Variants in PRKCA observed in about 807,000 individuals in gnomAD.
The protein encoded by PRKCA is protein kinase C alpha.
A neutral mutation model predicts 87.0 loss-of-function variants in PRKCA; 27 were observed. That is an observed-to-expected ratio of 0.31 (90% CI 0.23 to 0.43). The LOEUF is 0.43. PRKCA is among the 20% of genes least tolerant of loss of function. The pLI is 1.00. For synonymous variants in PRKCA, 329 were observed against 311.1 expected (o/e 1.06, Z -0.61); for missense variants, 518 against 852.3 (o/e 0.61, Z 4.88).
At chr17:66,682,614 G>A (rs376422515) in intron 5 of PRKCA, among the ~76,000 whole-genome samples, 2 of 152,230 alleles carry the variant, frequency 1.3e-5, no homozygotes, top group African/African-American at 4.8e-5. Context: ...GTTGTGTTTA[G>A]AGACTACCTG....
chr17:66,636,891 G>A (rs935000415), intron 3 of PRKCA, among the ~76,000 whole-genome samples: 1 of 152,146 alleles, frequency 6.6e-6, no homozygotes, highest in Non-Finnish European at 1.5e-5. Context: ...AGACTCTCTT[G>A]TTCTAAACAA....
chr17:66,532,305 C>T (rs1052628788), intron 3 of PRKCA, among the ~76,000 whole-genome samples: 1 of 146,182 alleles, frequency 6.8e-6, no homozygotes, highest in Non-Finnish European at 1.5e-5. Context: ...CCTCCCCCCC[C>T]ACCCCCACCC....
intron 2 of PRKCA, among the ~76,000 whole-genome samples, chr17:66,489,930 A>G (rs1209497417): frequency 6.6e-6 from 1 of 151,686 alleles, no homozygotes. Context: ...ACAGGCATGC[A>G]ACACCACACC....
intron 16 of PRKCA, among the ~76,000 whole-genome samples, chr17:66,798,469 GGTGGTGGT>G (rs1975743400): frequency 9.6e-6 from 1 of 104,472 alleles, no homozygotes; most frequent in Non-Finnish European, 2.0e-5. Context: ...TGGTGGTGGT[GGTGGTGGT>G]GGTGGTGGTG....
chr17:66,448,680 G>T (rs1914157950), intron 2 of PRKCA, among the ~76,000 whole-genome samples: 1 of 152,034 alleles, frequency 6.6e-6, no homozygotes, highest in African/African-American at 2.4e-5. Flanking sequence ...GGCTTTCCCT[G>T]ACTCTTGACA....
chr17:66,627,733 C>A (rs1215421461), intron 3 of PRKCA, among the ~76,000 whole-genome samples: 1 of 152,170 alleles, frequency 6.6e-6, no homozygotes, highest in Non-Finnish European at 1.5e-5. Flanking sequence ...GTGAGTGTTT[C>A]TTCTGGCAGG....
intron 8 of PRKCA, among the ~76,000 whole-genome samples, chr17:66,709,734 G>A (rs562193868): frequency 1.3e-5 from 2 of 151,412 alleles, no homozygotes; most frequent in Non-Finnish European, 2.9e-5. Context: ...AAAAAGAAAA[G>A]CAAACCCTGG....
intron 3 of PRKCA, among the ~76,000 whole-genome samples, chr17:66,575,346 C>T (rs528682488): frequency 4.6e-5 from 7 of 152,080 alleles, no homozygotes; most frequent in African/African-American, 1.2e-4. Context: ...TGGGAGGCCG[C>T]GGTGGGCGGA....
chr17:66,481,801 C>G (rs1465742912), intron 2 of PRKCA, among the ~76,000 whole-genome samples: 3 of 152,022 alleles, frequency 2.0e-5, no homozygotes, highest in Non-Finnish European at 2.9e-5. Flanking sequence ...ACATACAACT[C>G]TATTTTGAAA....
At chr17:66,517,882 G>A (rs1421465221) in intron 3 of PRKCA, among the ~76,000 whole-genome samples, 1 of 152,182 alleles carries the variant, frequency 6.6e-6, no homozygotes, top group Non-Finnish European at 1.5e-5. Context: ...CTGTGTCTGT[G>A]TTGATGACCA....
rs571557416 is a variant in PRKCA at position 66,378,962 on chromosome 17, G to A, written c.205+72835G>A. The stretch of plus-strand genomic sequence containing the variant: ...TTTACTGTCTGGCTTCTTTCACTTA[G>A]CATTACATTTTTAAGGTTCATTTAT... On this transcript the variant is annotated intron_variant, in intron 2 of 16. Transcript: ENST00000413366. Among the ~76,000 whole-genome samples, 3 of 151,320 alleles carry A rather than the reference G, an allele frequency of 2.0e-5. No individual in the cohort carries two copies. The South Asian group carries it at 6.3e-4, about 32-fold the overall frequency.
intron 3 of PRKCA, among the ~76,000 whole-genome samples, chr17:66,550,862 G>A (rs906504292): frequency 2.6e-5 from 4 of 152,196 alleles, no homozygotes. Context: ...TGTTGAGCAT[G>A]TAAGAGTGGG....
At chr17:66,663,772 C>G (rs1237716522) in intron 5 of PRKCA, among the ~76,000 whole-genome samples, 2 of 152,126 alleles carry the variant, frequency 1.3e-5, no homozygotes, top group East Asian at 3.8e-4. Context: ...CCCCGGCCCT[C>G]CCTTTCTCCT....
At chr17:66,574,967 G>A (rs950910868) in intron 3 of PRKCA, among the ~76,000 whole-genome samples, 1 of 152,092 alleles carries the variant, frequency 6.6e-6, no homozygotes, top group Non-Finnish European at 1.5e-5. Context: ...AGCAATCTGG[G>A]CATATGAAAT....
At chr17:66,508,873 T>G (rs1917092254) in intron 3 of PRKCA, among the ~76,000 whole-genome samples, 1 of 152,178 alleles carries the variant, frequency 6.6e-6, no homozygotes, top group Non-Finnish European at 1.5e-5. Flanking sequence ...TTAATGTGAT[T>G]ATGCACTCTC....
intron 9 of PRKCA, among the ~76,000 whole-genome samples, chr17:66,734,544 T>G (rs1371980341): frequency 6.6e-6 from 1 of 152,212 alleles, no homozygotes; most frequent in Non-Finnish European, 1.5e-5. Flanking sequence ...GAGGTTATTC[T>G]CATCGCCATC....
At chr17:66,497,703 G>A (rs1273472392) in intron 3 of PRKCA, among the ~76,000 whole-genome samples, 1 of 152,156 alleles carries the variant, frequency 6.6e-6, no homozygotes, top group Non-Finnish European at 1.5e-5. Flanking sequence ...TGCTTGAAGC[G>A]ATTCCCATCT....
At chr17:66,524,498 A>G (rs559833378) in intron 3 of PRKCA, among the ~76,000 whole-genome samples, 2 of 152,330 alleles carry the variant, frequency 1.3e-5, no homozygotes, top group South Asian at 4.1e-4. Context: ...TTGACTTGAG[A>G]TGACCCATAT....
intron 3 of PRKCA, among the ~76,000 whole-genome samples, chr17:66,502,378 G>T (rs963248441): frequency 6.6e-6 from 1 of 151,664 alleles, no homozygotes; most frequent in Admixed American, 6.6e-5. Context: ...GGGACTACGG[G>T]CATGCACCAC....
Sources: gnomAD v4.1 joint callset for allele counts (sites outside exome capture counted in the v4.1 genomes callset) on GRCh38, gnomAD v4.1.1 for gene constraint, MANE v1.5 for transcripts, NCBI Gene and HGNC (gene_info 2026-07-23, HGNC 2026-07-21) for gene names.